The following GSTCD variants were observed in gnomAD, a reference collection of about 807,000 sequenced individuals.
GSTCD encodes the protein glutathione S-transferase C-terminal domain containing.
GSTCD carries 44 observed loss-of-function variants against 68.3 expected under a neutral mutation model. The ratio of observed to expected loss-of-function variants is 0.64; its 90% CI spans 0.51 to 0.83. The LOEUF is 0.83. GSTCD is among the 40% of genes least tolerant of loss of function. GSTCD has a pLI of 0.00. For missense variants in GSTCD, 739 were observed against 735.9 expected, an observed-to-expected ratio of 1.00 and a Z score of -0.05; for synonymous variants, 273 against 255.2, an observed-to-expected ratio of 1.07 and a Z score of -0.67.
intron 5 of GSTCD, among the ~76,000 whole-genome samples, chr4:105,805,701 A>G (rs1010245609): frequency 2.0e-4 from 31 of 152,234 alleles, no homozygotes; most frequent in African/African-American, 7.5e-4. Context: ...TGGGTCAGGA[A>G]GGGATTAAAA....
At chr4:105,755,246 T>G in intron 5 of GSTCD, among the ~76,000 whole-genome samples, 1 of 146,238 alleles carries the variant, frequency 6.8e-6, no homozygotes, top group Admixed American at 6.8e-5. Context: ...CCTGTCAAGG[T>G]AGGAAGGTAG....
At chr4:105,730,577 T>C (rs1200629543) in intron 5 of GSTCD, among the ~76,000 whole-genome samples, 1 of 152,202 alleles carries the variant, frequency 6.6e-6, no homozygotes, top group East Asian at 1.9e-4. Context: ...TCGCCCACTT[T>C]TTGATGGGCT....
intron 5 of GSTCD, among the ~76,000 whole-genome samples, chr4:105,797,046 ATGTG>A (rs201988913): frequency 0.013 from 1,822 of 145,588 alleles, 35 homozygotes; most frequent in Admixed American, 0.054. Context: ...ACAGAGATAC[ATGTG>A]TGTGTGTGTG....
At chr4:105,809,456 C>T (rs1331974461) in intron 5 of GSTCD, among the ~76,000 whole-genome samples, 1 of 152,086 alleles carries the variant, frequency 6.6e-6, no homozygotes, top group East Asian at 1.9e-4. Flanking sequence ...ATTCAGATCT[C>T]AATGTCACCT....
At chr4:105,725,763 G>A (rs1733009973) in intron 3 of GSTCD, among the ~76,000 whole-genome samples, 1 of 151,914 alleles carries the variant, frequency 6.6e-6, no homozygotes, top group Non-Finnish European at 1.5e-5. Context: ...ATACACAAAT[G>A]GCAAATAATC....
At chr4:105,808,704 G>A (rs914286012) in intron 5 of GSTCD, among the ~76,000 whole-genome samples, 28 of 152,018 alleles carry the variant, frequency 1.8e-4, no homozygotes, top group Admixed American at 1.4e-3. Context: ...TTAGTTACCC[G>A]CAGTCAACTG....
At chr4:105,782,023 C>A (rs1322671821) in intron 5 of GSTCD, among the ~76,000 whole-genome samples, 1 of 152,048 alleles carries the variant, frequency 6.6e-6, no homozygotes, top group African/African-American at 2.4e-5. Flanking sequence ...CATTTAAATG[C>A]CCTGTCAGAA....
At chr4:105,808,624 T>C (rs1241382209) in intron 5 of GSTCD, among the ~76,000 whole-genome samples, 6 of 152,146 alleles carry the variant, frequency 3.9e-5, no homozygotes, top group Admixed American at 3.9e-4. Context: ...TTCTTTGATC[T>C]TCTCTTCTGC....
At chr4:105,766,365 T>G (rs2149239457) in intron 5 of GSTCD, among the ~76,000 whole-genome samples, 1 of 152,306 alleles carries the variant, frequency 6.6e-6, no homozygotes, top group South Asian at 2.1e-4. Flanking sequence ...ACTTCTCCCT[T>G]GCTCCTACCT....
At chr4:105,826,475 A>C (rs1723617010) in intron 8 of GSTCD, among the ~76,000 whole-genome samples, 1 of 152,072 alleles carries the variant, frequency 6.6e-6, no homozygotes. Context: ...ATAGGAATAT[A>C]CATTTTGATA....
At chr4:105,754,679 T>C (rs1181573419) in intron 5 of GSTCD, among the ~76,000 whole-genome samples, 1 of 152,148 alleles carries the variant, frequency 6.6e-6, no homozygotes, top group East Asian at 1.9e-4. Context: ...ACACTTTTAC[T>C]CTCACTTGTC....
chr4:105,709,658 GT>G (rs981280993), intron 1 of GSTCD, among the ~76,000 whole-genome samples: 3 of 152,124 alleles, frequency 2.0e-5, no homozygotes, highest in Non-Finnish European at 2.9e-5. Flanking sequence ...GAGATGACTT[GT>G]TTTTTTCCCC....
intron 5 of GSTCD, among the ~76,000 whole-genome samples, chr4:105,810,109 C>T (rs905437738): frequency 2.0e-5 from 3 of 152,044 alleles, no homozygotes; most frequent in Non-Finnish European, 2.9e-5. Flanking sequence ...TCTAGGAAGT[C>T]TACCTGTCTT....
At chr4:105,784,903 T>C (rs1183078005) in intron 5 of GSTCD, among the ~76,000 whole-genome samples, 3 of 152,164 alleles carry the variant, frequency 2.0e-5, no homozygotes, top group Non-Finnish European at 2.9e-5. Flanking sequence ...ATTTCTGACA[T>C]CACAAAATGT....
At chr4:105,788,977 T>C (rs951874487) in intron 5 of GSTCD, among the ~76,000 whole-genome samples, 2 of 152,114 alleles carry the variant, frequency 1.3e-5, no homozygotes, top group East Asian at 1.9e-4. Context: ...GTTTTCTTTT[T>C]AATTGCAGTG....
At chr4:105,749,186 G>A (rs965365282) in intron 5 of GSTCD, among the ~76,000 whole-genome samples, 4 of 130,932 alleles carry the variant, frequency 3.1e-5, no homozygotes, top group East Asian at 2.0e-4. Flanking sequence ...AAAAAGAAAC[G>A]TAAAATGCAC....
intron 5 of GSTCD, among the ~76,000 whole-genome samples, chr4:105,739,366 A>G (rs562717210): frequency 8.8e-4 from 134 of 152,308 alleles, no homozygotes; most frequent in Non-Finnish European, 1.0e-3. Flanking sequence ...TGGTAGTGCT[A>G]GCCTCATAGA....
At chr4:105,777,865 A>T (rs1276842408) in intron 5 of GSTCD, among the ~76,000 whole-genome samples, 1 of 152,098 alleles carries the variant, frequency 6.6e-6, no homozygotes. Flanking sequence ...TTTAATTATT[A>T]TATAATTTTA....
In GSTCD at chr4:105,750,092, A is replaced by G. The variant is rs532465214; in HGVS notation, c.1240+20593A>G. Reference sequence around the variant, plus strand: ...TATGAAAATTTCTTCTATTTTATCAATTAATATCAGGGAAATGTAAATTTA... The same window carrying G: ...TATGAAAATTTCTTCTATTTTATCAGTTAATATCAGGGAAATGTAAATTTA... On this transcript the variant is annotated intron_variant, in intron 5 of 11. Coordinates refer to ENST00000515279, the MANE Select transcript of GSTCD (RefSeq NM_001370181.1). 3.3e-5 allele frequency among the ~76,000 whole-genome samples: 5 copies of G among 152,348 alleles called. No individual in the cohort carries two copies. The South Asian group carries it at 1.0e-3, about 32-fold the overall frequency.
Sources: gnomAD v4.1 joint callset for allele counts (sites outside exome capture counted in the v4.1 genomes callset) on GRCh38, gnomAD v4.1.1 for gene constraint, MANE v1.5 for transcripts, NCBI Gene and HGNC (gene_info 2026-07-23, HGNC 2026-07-21) for gene names.